Variants in MTUS2 observed in about 807,000 individuals in gnomAD.
MTUS2 encodes microtubule associated scaffold protein 2, also known as microtubule-associated tumor suppressor candidate 2.
In MTUS2, 40 loss-of-function variants were observed where a neutral mutation model predicts 114.1. The observed-to-expected ratio is 0.35, with a 90% CI of 0.27 to 0.46. The LOEUF is 0.46. Among genes scored for constraint, MTUS2 ranks in the 20% least tolerant of loss-of-function variants. MTUS2 has a pLI of 1.00. For synonymous variants in MTUS2, 688 were observed against 672.0 expected (o/e 1.02, Z -0.37); for missense variants, 1,679 against 1,705.4 (o/e 0.98, Z 0.27).
intron 4 of MTUS2, among the ~76,000 whole-genome samples, chr13:29,047,486 A>G (rs1332760711): frequency 1.3e-5 from 2 of 151,148 alleles, no homozygotes; most frequent in Admixed American, 6.6e-5. Context: ...TAGTTGAGCT[A>G]TAGTTCACAT....
intron 5 of MTUS2, among the ~76,000 whole-genome samples, chr13:29,110,779 A>T (rs922904672): frequency 3.3e-5 from 5 of 152,230 alleles, no homozygotes; most frequent in African/African-American, 1.2e-4. Flanking sequence ...GATCTAACTT[A>T]GAAATCATAT....
At chr13:29,144,239 A>G (rs2139012979) in intron 5 of MTUS2, among the ~76,000 whole-genome samples, 1 of 151,976 alleles carries the variant, frequency 6.6e-6, no homozygotes, top group East Asian at 1.9e-4. Flanking sequence ...AACAACCCAC[A>G]TTTTCTGTTT....
At chr13:28,865,128 CGT>C (rs527455325) in intron 2 of MTUS2, among the ~76,000 whole-genome samples, 296 of 152,042 alleles carry the variant, frequency 1.9e-3, no homozygotes, top group Non-Finnish European at 2.6e-3. Context: ...TATACACACA[CGT>C]GTGTGTGTCT....
rs993530173 is a variant in MTUS2 at position 29,359,279 on chromosome 13, A to G, written c.2923A>G (p.Thr975Ala). The G allele has an allele frequency of 1.2e-6, 2 of 1,602,554 alleles. No individual in the cohort carries two copies. The highest frequency in any genetic ancestry group is 1.7e-6 in the Non-Finnish European group (2 of 1,174,850). The change falls in exon 8 of 16, where the codon ACT becomes GCT. Residue 975 changes from threonine (T) to alanine (A), a missense_variant. Physicochemically the swap from Thr to Ala is moderately conservative, Grantham distance 58. Coordinates refer to ENST00000612955, the MANE Select transcript of MTUS2 (RefSeq NM_001033602.4). ...TCTCACAGGATACCCAAAGCAGAGGACTGCGGCAGCTCGAAATGGGTTTCC... is the reference window on the plus strand; with the variant it reads ...TCTCACAGGATACCCAAAGCAGAGGGCTGCGGCAGCTCGAAATGGGTTTCC... ...LHSPGYPKQR[T>A]AAARNGFPPK... is the part of the protein sequence containing the mutation.
chr13:29,340,332 A>G (rs1277841374), intron 7 of MTUS2, among the ~76,000 whole-genome samples: 1 of 152,208 alleles, frequency 6.6e-6, no homozygotes, highest in Non-Finnish European at 1.5e-5. Flanking sequence ...AGGTCCTGAA[A>G]ACTGCAGATG....
chr13:28,988,902 T>A (rs1884701826), intron 2 of MTUS2, among the ~76,000 whole-genome samples: 1 of 152,194 alleles, frequency 6.6e-6, no homozygotes, highest in Non-Finnish European at 1.5e-5. Context: ...TAAGCTCATG[T>A]CTAAAATATT....
At chr13:29,023,943 T>C (rs948405666) in intron 2 of MTUS2, among the ~76,000 whole-genome samples, 2 of 152,194 alleles carry the variant, frequency 1.3e-5, no homozygotes, top group Non-Finnish European at 2.9e-5. Context: ...GATCTCTCCA[T>C]TGTAAAGATA....
chr13:29,320,270 C>T (rs1048591084), intron 6 of MTUS2, among the ~76,000 whole-genome samples: 6 of 152,030 alleles, frequency 3.9e-5, no homozygotes, highest in African/African-American at 1.2e-4. Flanking sequence ...CCACGAGAGG[C>T]GAACAAGGCA....
At chr13:28,888,021 G>A (rs535152128) in intron 2 of MTUS2, among the ~76,000 whole-genome samples, 6 of 152,204 alleles carry the variant, frequency 3.9e-5, no homozygotes, top group East Asian at 1.9e-4. Context: ...CCATCCAGTC[G>A]CATAGCTCTA....
At chr13:28,842,017 C>A (rs1875540100) in intron 2 of MTUS2, among the ~76,000 whole-genome samples, 2 of 152,188 alleles carry the variant, frequency 1.3e-5, no homozygotes, top group South Asian at 4.1e-4. Flanking sequence ...CATTTACCCC[C>A]TTCTCCCCCA....
At chr13:29,058,604 T>TA (rs1888256993) in intron 4 of MTUS2, among the ~76,000 whole-genome samples, 1 of 150,842 alleles carries the variant, frequency 6.6e-6, no homozygotes, top group Admixed American at 6.6e-5. Flanking sequence ...TTTATTTTTT[T>TA]ATTATACTTT....
chr13:29,039,874 G>T (rs997030340), intron 4 of MTUS2, among the ~76,000 whole-genome samples: 2 of 152,298 alleles, frequency 1.3e-5, no homozygotes, highest in East Asian at 1.9e-4. Flanking sequence ...TTGATTTTAC[G>T]TGGATTTCCC....
intron 2 of MTUS2, among the ~76,000 whole-genome samples, chr13:28,881,715 T>G (rs1194481002): frequency 1.3e-5 from 2 of 152,230 alleles, no homozygotes; most frequent in African/African-American, 4.8e-5. Flanking sequence ...AATTTGCATT[T>G]CTCTGGTGAT....
chr13:29,417,328 C>T, intron 8 of MTUS2, among the ~76,000 whole-genome samples: 1 of 152,206 alleles, frequency 6.6e-6, no homozygotes, highest in East Asian at 1.9e-4. Flanking sequence ...TCCACCAGGT[C>T]CCACCTTCAA....
In MTUS2 at chr13:28,941,856, C is replaced by A. The variant is rs946277659; in HGVS notation, c.-242-82601C>A. On this transcript the variant is annotated intron_variant, in intron 2 of 15. Transcript: ENST00000612955. ...ATCTTGCACTTTAAATTATTTTTTA[C>A]TAGTGCATGGTTTTCTAACACTATG... 1.2e-4 allele frequency among the ~76,000 whole-genome samples: 18 copies of A among 152,248 alleles called. No individual in the cohort carries two copies. In the East Asian group the frequency reaches 3.5e-3, roughly 29 times the overall value.
chr13:29,481,963 ATTTGCACG>A (rs1881218286), intron 10 of MTUS2, among the ~76,000 whole-genome samples: 1 of 152,064 alleles, frequency 6.6e-6, no homozygotes, highest in Non-Finnish European at 1.5e-5. Flanking sequence ...GTCAGTAGAC[ATTTGCACG>A]TGCTGCTGTC....
chr13:29,293,212 A>T (rs1435794734), intron 6 of MTUS2, among the ~76,000 whole-genome samples: 1 of 152,168 alleles, frequency 6.6e-6, no homozygotes, highest in Non-Finnish European at 1.5e-5. Context: ...ACAAACTGTG[A>T]ATATACATGC....
chr13:29,134,265 T>C (rs1891881979), intron 5 of MTUS2, among the ~76,000 whole-genome samples: 1 of 152,214 alleles, frequency 6.6e-6, no homozygotes, highest in East Asian at 1.9e-4. Context: ...AATCTGTCTT[T>C]TAAAATCTAT....
At chr13:29,360,486 G>T (rs981173363) in intron 8 of MTUS2, among the ~76,000 whole-genome samples, 7 of 152,146 alleles carry the variant, frequency 4.6e-5, no homozygotes, top group Admixed American at 3.9e-4. Context: ...AACAGAAAGA[G>T]CCATTTATCA....
Sources: gnomAD v4.1 joint callset for allele counts (sites outside exome capture counted in the v4.1 genomes callset) on GRCh38, gnomAD v4.1.1 for gene constraint, MANE v1.5 for transcripts, NCBI Gene and HGNC (gene_info 2026-07-23, HGNC 2026-07-21) for gene names.